Variants in RIC1 observed in about 807,000 individuals in gnomAD.
RIC1 encodes the protein RIC1 partner of RAB6A GEF complex.
In RIC1, 88 loss-of-function variants were observed where a neutral mutation model predicts 169.0. The ratio of observed to expected loss-of-function variants is 0.52; its 90% CI spans 0.44 to 0.62. The LOEUF (loss-of-function observed/expected upper bound fraction) is 0.62, where lower values mean the gene tolerates loss of function less well. Ranked by LOEUF, RIC1 falls within the 20% of genes least tolerant of loss-of-function variation. RIC1 has a pLI of 0.00. For synonymous variants in RIC1, 790 were observed against 601.5 expected, an observed-to-expected ratio of 1.31 and a Z score of -4.59; for missense variants, 1,877 against 1,725.5, an observed-to-expected ratio of 1.09 and a Z score of -1.56.
chr9:5,644,449 A>G (rs549218467), intron 1 of RIC1, among the ~76,000 whole-genome samples: 159 of 152,352 alleles, frequency 1.0e-3, no homozygotes, highest in African/African-American at 3.7e-3. Context: ...GACATATTGC[A>G]CAGTGGTAAA....
chr9:5,668,388 T>C (rs1215419401), intron 2 of RIC1, among the ~76,000 whole-genome samples: 1 of 152,252 alleles, frequency 6.6e-6, no homozygotes, highest in Admixed American at 6.5e-5. Context: ...TTGATTCTAG[T>C]GTGTCTCAGT....
At chr9:5,684,229 G>A (rs949089560) in intron 2 of RIC1, among the ~76,000 whole-genome samples, 2 of 125,566 alleles carry the variant, frequency 1.6e-5, no homozygotes, top group African/African-American at 6.0e-5. Flanking sequence ...TGCTCATGCT[G>A]GGAGCTGTAG....
intron 12 of RIC1, among the ~76,000 whole-genome samples, chr9:5,752,460 G>A (rs1825777839): frequency 6.8e-6 from 1 of 147,744 alleles, no homozygotes; most frequent in African/African-American, 2.5e-5. Context: ...TTTTTTTGGA[G>A]ACGGAGTTTC....
At chr9:5,716,514 G>A (rs1189573427) in intron 4 of RIC1, among the ~76,000 whole-genome samples, 1 of 152,198 alleles carries the variant, frequency 6.6e-6, no homozygotes, top group Non-Finnish European at 1.5e-5. Flanking sequence ...TCAGGAGGCT[G>A]AGGCACAATA....
chr9:5,634,294 T>G (rs982631041), intron 1 of RIC1, among the ~76,000 whole-genome samples: 1 of 152,210 alleles, frequency 6.6e-6, no homozygotes. Context: ...GTTTTTAGTT[T>G]GAGGAACTTC....
intron 2 of RIC1, among the ~76,000 whole-genome samples, chr9:5,674,753 T>C (rs1363466109): frequency 6.6e-6 from 1 of 152,148 alleles, no homozygotes; most frequent in African/African-American, 2.4e-5. Context: ...ATACCCTCCT[T>C]CTCTCCCCTC....
At chr9:5,766,545 T>C (rs138001659) in intron 21 of RIC1, among the ~76,000 whole-genome samples, 5 of 152,336 alleles carry the variant, frequency 3.3e-5, no homozygotes, top group Non-Finnish European at 7.3e-5. Context: ...ATCATTCTTA[T>C]GCCTTTGCGT....
intron 2 of RIC1, among the ~76,000 whole-genome samples, chr9:5,657,028 C>G (rs138537697): frequency 6.7e-4 from 102 of 151,920 alleles, no homozygotes; most frequent in Non-Finnish European, 1.2e-3. Flanking sequence ...TGTTTTGACT[C>G]TGCTGCTTCC....
intron 19 of RIC1, 73 bp from the exon 20 acceptor site, chr9:5,765,341 G>T: frequency 6.8e-7 from 1 of 1,474,178 alleles, no homozygotes; most frequent in South Asian, 1.3e-5. Flanking sequence ...TTTAGAAAAC[G>T]AGATAAAGAA....
chr9:5,708,159 T>C (rs1172887414), intron 3 of RIC1, among the ~76,000 whole-genome samples: 3 of 152,160 alleles, frequency 2.0e-5, no homozygotes, highest in Non-Finnish European at 4.4e-5. Flanking sequence ...TTCAATAATA[T>C]CTCAAAACTA....
intron 2 of RIC1, among the ~76,000 whole-genome samples, chr9:5,681,069 G>T (rs529081555): frequency 1.3e-5 from 2 of 151,268 alleles, no homozygotes; most frequent in African/African-American, 4.9e-5. Context: ...CTCGTGATCC[G>T]CCCGCCTCGG....
intron 2 of RIC1, among the ~76,000 whole-genome samples, chr9:5,664,160 A>C (rs546784746): frequency 6.6e-6 from 1 of 152,268 alleles, no homozygotes; most frequent in African/African-American, 2.4e-5. Context: ...CTGTAATCCC[A>C]GCACTTTGGG....
intron 2 of RIC1, among the ~76,000 whole-genome samples, chr9:5,656,930 C>T (rs1052300073): frequency 6.6e-6 from 1 of 152,156 alleles, no homozygotes; most frequent in African/African-American, 2.4e-5. Flanking sequence ...GTATCCTTTT[C>T]TGTTTGTTGT....
intron 3 of RIC1, among the ~76,000 whole-genome samples, chr9:5,709,303 A>G (rs560723404): frequency 1.3e-5 from 2 of 152,226 alleles, no homozygotes; most frequent in Admixed American, 6.5e-5. Flanking sequence ...TCCCCAATCC[A>G]TTCCTTAGCA....
At chr9:5,759,693 T>A (rs541534987) in intron 17 of RIC1, among the ~76,000 whole-genome samples, 55 of 152,340 alleles carry the variant, frequency 3.6e-4, no homozygotes, top group African/African-American at 1.3e-3. Flanking sequence ...TGTTAGCAGA[T>A]GCCCATATAT....
intron 2 of RIC1, among the ~76,000 whole-genome samples, chr9:5,664,125 A>G (rs542654513): frequency 6.6e-6 from 1 of 152,196 alleles, no homozygotes; most frequent in Admixed American, 6.5e-5. Context: ...AATGTTTAAT[A>G]TTGGCCAGGT....
At chr9:5,682,238 A>T (rs1440134229) in intron 2 of RIC1, among the ~76,000 whole-genome samples, 1 of 152,302 alleles carries the variant, frequency 6.6e-6, no homozygotes, top group East Asian at 1.9e-4. Context: ...TAGTTGATGC[A>T]GTTTCTTCCT....
At chr9:5,722,198 T>C (rs913346850) in intron 6 of RIC1, among the ~76,000 whole-genome samples, 1 of 150,958 alleles carries the variant, frequency 6.6e-6, no homozygotes, top group Non-Finnish European at 1.5e-5. Flanking sequence ...CATTTCATCT[T>C]CTTCTTCTTT....
chr9:5,734,545 A>G (rs542771690), intron 7 of RIC1, among the ~76,000 whole-genome samples: 1 of 152,124 alleles, frequency 6.6e-6, no homozygotes, highest in Non-Finnish European at 1.5e-5. Context: ...TACCCTTTTT[A>G]TTTCACATTG....
Sources: gnomAD v4.1 joint callset for allele counts (sites outside exome capture counted in the v4.1 genomes callset) on GRCh38, gnomAD v4.1.1 for gene constraint, MANE v1.5 for transcripts, NCBI Gene and HGNC (gene_info 2026-07-23, HGNC 2026-07-21) for gene names.